Variants in RALYL observed in about 807,000 individuals in gnomAD.
The protein encoded by RALYL is RNA-binding Raly-like protein.
In RALYL, 29 loss-of-function variants were observed where a neutral mutation model predicts 35.1. The observed-to-expected ratio is 0.83, with a 90% confidence interval of 0.61 to 1.13. The LOEUF (loss-of-function observed/expected upper bound fraction) is 1.13, where lower values mean the gene tolerates loss of function less well. Ranked by LOEUF, RALYL falls within the 50% of genes most tolerant of loss-of-function variation. The pLI, the probability that RALYL is intolerant of heterozygous loss-of-function variation, is 0.00. For synonymous variants in RALYL, 120 were observed against 127.6 expected (o/e 0.94, Z 0.40); for missense variants, 359 against 360.4 (o/e 1.00, Z 0.03).
intron 2 of RALYL, among the ~76,000 whole-genome samples, chr8:84,676,821 G>A (rs1218209837): frequency 1.3e-5 from 2 of 148,656 alleles, no homozygotes; most frequent in Non-Finnish European, 3.0e-5. Flanking sequence ...TTCTTTTTTT[G>A]AGACAGAGTC....
At chr8:84,276,619 T>C (rs1265520888) in intron 1 of RALYL, among the ~76,000 whole-genome samples, 1 of 152,174 alleles carries the variant, frequency 6.6e-6, no homozygotes, top group East Asian at 1.9e-4. Flanking sequence ...GCTATAGTCA[T>C]CCTATTGACT....
At chr8:84,345,033 A>G (rs971988644) in intron 1 of RALYL, among the ~76,000 whole-genome samples, 1 of 151,300 alleles carries the variant, frequency 6.6e-6, no homozygotes. Flanking sequence ...ATTCCTCATG[A>G]TATATACACC....
chr8:84,306,969 C>G (rs186795000), intron 1 of RALYL, among the ~76,000 whole-genome samples: 10 of 152,154 alleles, frequency 6.6e-5, no homozygotes, highest in Admixed American at 2.6e-4. Context: ...CTCTCAAATT[C>G]CTTCTACTTG....
At chr8:84,919,015 C>G (rs1342830373) in intron 8 of RALYL, among the ~76,000 whole-genome samples, 1 of 151,792 alleles carries the variant, frequency 6.6e-6, no homozygotes, top group Non-Finnish European at 1.5e-5. Context: ...TTTTTTTCAT[C>G]TTAACAAAAT....
chr8:84,891,564 C>T (rs1843850182), intron 8 of RALYL, among the ~76,000 whole-genome samples: 1 of 152,184 alleles, frequency 6.6e-6, no homozygotes, highest in Non-Finnish European at 1.5e-5. Flanking sequence ...TGGAGGTACT[C>T]ATCAGGTTTT....
chr8:84,707,931 G>A (rs766824227), intron 2 of RALYL, among the ~76,000 whole-genome samples: 13 of 151,960 alleles, frequency 8.6e-5, no homozygotes, highest in African/African-American at 1.4e-4. Flanking sequence ...TCTTTTATGC[G>A]TGGGTTTTTG....
intron 8 of RALYL, among the ~76,000 whole-genome samples, chr8:84,891,974 C>A (rs1435938434): frequency 2.0e-5 from 3 of 152,144 alleles, no homozygotes; most frequent in Admixed American, 6.5e-5. Flanking sequence ...CCAGAATGCT[C>A]TTGAAAAAGA....
chr8:84,839,894 T>G (rs1021473793), intron 4 of RALYL, among the ~76,000 whole-genome samples: 4 of 152,202 alleles, frequency 2.6e-5, no homozygotes, highest in African/African-American at 4.8e-5. Context: ...CCAACAGACC[T>G]GCAGCTGAGG....
intron 2 of RALYL, among the ~76,000 whole-genome samples, chr8:84,759,586 A>AAT (rs1166488311): frequency 3.3e-5 from 5 of 152,192 alleles, no homozygotes; most frequent in Non-Finnish European, 5.9e-5. Context: ...TAGTTTAAGA[A>AAT]ATATATACAT....
chr8:84,229,851 G>T (rs1824908313), intron 1 of RALYL, among the ~76,000 whole-genome samples: 1 of 152,164 alleles, frequency 6.6e-6, no homozygotes, highest in Admixed American at 6.6e-5. Flanking sequence ...GGAACTCACA[G>T]TTCCTGACTT....
intron 1 of RALYL, among the ~76,000 whole-genome samples, chr8:84,291,154 T>G (rs1411976781): frequency 6.6e-6 from 1 of 152,068 alleles, no homozygotes; most frequent in Non-Finnish European, 1.5e-5. Flanking sequence ...TCATAAAAGG[T>G]ATAAAAAGAA....
intron 1 of RALYL, among the ~76,000 whole-genome samples, chr8:84,405,521 G>T (rs1052354608): frequency 6.6e-6 from 1 of 152,030 alleles, no homozygotes; most frequent in African/African-American, 2.4e-5. Flanking sequence ...AAATGATAAA[G>T]GGGATATCAC....
chr8:84,629,102 A>T (rs767567371), intron 2 of RALYL, among the ~76,000 whole-genome samples: 7 of 152,082 alleles, frequency 4.6e-5, no homozygotes, highest in Non-Finnish European at 8.8e-5. Flanking sequence ...GCTGTTATTG[A>T]AATTGAATCC....
At chr8:84,481,294 T>A (rs1392624783) in intron 1 of RALYL, among the ~76,000 whole-genome samples, 1 of 152,154 alleles carries the variant, frequency 6.6e-6, no homozygotes, top group Non-Finnish European at 1.5e-5. Context: ...GAAGTATTTG[T>A]TTTTTAGGTT....
chr8:84,463,002 T>C (rs1040752140), intron 1 of RALYL, among the ~76,000 whole-genome samples: 4 of 151,996 alleles, frequency 2.6e-5, no homozygotes, highest in South Asian at 2.1e-4. Context: ...GAAATTATTA[T>C]ACTGAAGCTA....
intron 1 of RALYL, among the ~76,000 whole-genome samples, chr8:84,416,573 T>C (rs2044727172): frequency 6.6e-6 from 1 of 152,206 alleles, no homozygotes; most frequent in South Asian, 2.1e-4. Flanking sequence ...GAAACCTTTT[T>C]TTTTCATGTG....
intron 2 of RALYL, among the ~76,000 whole-genome samples, chr8:84,632,800 T>C (rs1208440186): frequency 6.6e-6 from 1 of 151,942 alleles, no homozygotes; most frequent in Non-Finnish European, 1.5e-5. Context: ...GAAGGAGAGC[T>C]TTTCCCAGAG....
intron 2 of RALYL, among the ~76,000 whole-genome samples, chr8:84,736,439 T>C (rs1209255421): frequency 6.6e-6 from 1 of 152,092 alleles, no homozygotes; most frequent in African/African-American, 2.4e-5. Context: ...GTGGTACCTG[T>C]GTGTTATAGG....
rs552488070 is a variant in RALYL, at chr8:84,544,092, T to C, written c.256+14515T>C. On this transcript the variant is annotated intron_variant, in intron 2 of 8. Transcript: ENST00000521268. ...CAGAATATTCCAGAGAATATTCTGT[T>C]AGGTAAGAACAACAAAATTATTATG... 2.0e-5 allele frequency among the ~76,000 whole-genome samples: 3 copies of C among 152,140 alleles called. No individual in the cohort carries two copies. The East Asian group carries it at 5.8e-4, about 29-fold the overall frequency.
Sources: allele counts gnomAD v4.1 joint callset (sites outside exome capture counted in the v4.1 genomes callset), GRCh38; gene constraint gnomAD v4.1.1; transcripts MANE v1.5; gene names NCBI Gene and HGNC (gene_info 2026-07-23, HGNC 2026-07-21).